TMEM134: variants seen among roughly 807,000 people sequenced by gnomAD.
The protein encoded by TMEM134 is transmembrane protein 134.
TMEM134 carries 36 observed loss-of-function variants against 26.2 expected under a neutral mutation model. The ratio of observed to expected loss-of-function variants is 1.37; its 90% CI spans 1.05 to 1.81. TMEM134 has a LOEUF of 1.81. Ranked by LOEUF, TMEM134 falls within the 40% of genes most tolerant of loss-of-function variation. The pLI is 0.00. For synonymous variants in TMEM134, 133 were observed against 113.6 expected (o/e 1.17, Z -1.08); for missense variants, 339 against 263.5 (o/e 1.29, Z -1.98).
At chr11:67,464,899 G>T in intron 5 of TMEM134, 43 bp from the exon 6 acceptor site, 1 of 1,603,918 alleles carries the variant, frequency 6.2e-7, no homozygotes, top group Non-Finnish European at 8.5e-7. Context: ...GGGGGCGGAG[G>T]CTTCGAGGCC....
At chr11:67,468,968 TG>T (rs1209541960) in intron 1 of TMEM134, 50 bp downstream of exon 1, 7 of 1,414,510 alleles carry the variant, frequency 4.9e-6, no homozygotes, top group Middle Eastern at 2.3e-4. Flanking sequence ...GGGCCCGGCC[TG>T]GGGTCCCGTC....
intron 3 of TMEM134, 54 bp from the exon 4 acceptor site, chr11:67,467,442 G>A (rs757320283): frequency 6.2e-7 from 1 of 1,612,926 alleles, no homozygotes; most frequent in Admixed American, 1.7e-5. Flanking sequence ...AGGGGGTGCA[G>A]GAGGCTGTGG....
In TMEM134 at chr11:67,463,172, C is replaced by T. The variant is rs1016404665; in HGVS notation, c.*1442G>A. On this transcript the variant is annotated 3_prime_UTR_variant, in exon 7 of 7. Coordinates refer to ENST00000308022, the MANE Select transcript of TMEM134 (RefSeq NM_025124.4). Reference sequence around the variant, plus strand: ...GGGCCTGGAAAGGTGGGAGCGAGAGCAAGAGTCTGGGTGTCCATTCCTCTA... The same window carrying T: ...GGGCCTGGAAAGGTGGGAGCGAGAGTAAGAGTCTGGGTGTCCATTCCTCTA... The T allele has an allele frequency of 2.6e-5, 4 of 152,242 alleles. No individual in the cohort carries two copies. The South Asian group carries it at 8.3e-4, about 32-fold the overall frequency. 9.4% of individuals were successfully genotyped at this position (152,242 alleles called of 1,614,324 possible). A position where few individuals can be genotyped will look rare whatever the true frequency, so the allele number is the denominator to read the frequency against.
rs371746653 is a variant in TMEM134 at position 67,464,760 on chromosome 11, G to A, written c.505+43C>T. On this transcript the variant is annotated intron_variant, in intron 6 of 6. Transcript: ENST00000308022. ...TCCCCGCAACACCGCCCCCAGTGCC[G>A]CCCCACAGCCCCCGCCCCTTCCGCC... 83 of 1,349,174 alleles carry A rather than the reference G, an allele frequency of 6.2e-5. No homozygotes were observed. The Middle Eastern group carries it at 1.1e-3, about 18-fold the overall frequency. The allele number at this position is 1,349,174 out of a possible 1,614,324, so 83.6% of individuals were successfully genotyped here. A position where few individuals can be genotyped will look rare whatever the true frequency, so the allele number is the denominator to read the frequency against.
rs888624936 is a variant in TMEM134, at chr11:67,462,183, A to AC, written c.*2430_*2431insG. 6.6e-6 allele frequency: 1 copy of AC among 151,762 alleles called. No homozygotes were observed. The highest frequency in any genetic ancestry group is 2.4e-5 in the African/African-American group (1 of 41,252). 9.4% of individuals were successfully genotyped at this position (151,762 alleles called of 1,614,324 possible). On this transcript the variant is annotated 3_prime_UTR_variant, in exon 7 of 7. Transcript: ENST00000308022. Reference sequence around the variant, plus strand: ...ACTCGTCTCAAAAAAAAAACAAAAAAAAAAAAAACAAGGAGTAAAAAGTTG... The same window carrying AC: ...ACTCGTCTCAAAAAAAAAACAAAAAACAAAAAAAACAAGGAGTAAAAAGTTG...
Position 67,464,873 on chromosome 11 carries a change from A to C in TMEM134, c.452-17T>G, listed in dbSNP as rs1245428219. 4 of 1,609,642 alleles carry C rather than the reference A, an allele frequency of 2.5e-6. No homozygotes were observed. The African/African-American group carries it at 5.3e-5, about 22-fold the overall frequency. ...TGGAGACACCTGCGGGAGGGACCAG[A>C]GCCCGGTCAGGGCGAGGGGGCGGAG... is the stretch of plus-strand genomic sequence containing the variant. On this transcript the variant is annotated splice_polypyrimidine_tract_variant and intron_variant, in intron 5 of 6. Transcript: ENST00000308022.
At chr11:67,465,191 C>G (rs1865177118) in intron 4 of TMEM134, 91 bp from the exon 5 acceptor site, 4 of 1,534,658 alleles carry the variant, frequency 2.6e-6, no homozygotes, top group Non-Finnish European at 2.6e-6. Flanking sequence ...ACCACCTGAG[C>G]TGAAGGTGCC....
chr11:67,469,006 C>T lies in TMEM134; in HGVS notation c.174+13G>A. On this transcript the variant is annotated intron_variant, in intron 1 of 6. Coordinates refer to ENST00000308022, the MANE Select transcript of TMEM134 (RefSeq NM_025124.4). ...GGCCGGGGGCAGGGGGTTAGGTGGGCCGGGCGGTTCACCTGGTAGCGCAGC... is the reference window on the plus strand; with the variant it reads ...GGCCGGGGGCAGGGGGTTAGGTGGGTCGGGCGGTTCACCTGGTAGCGCAGC... 7 of 1,484,944 alleles carry T rather than the reference C, an allele frequency of 4.7e-6. No individual in the cohort carries two copies. The highest frequency in any genetic ancestry group is 6.3e-6 in the Non-Finnish European group (7 of 1,118,308). The allele number at this position is 1,484,944 out of a possible 1,614,324, so 92.0% of individuals were successfully genotyped here.
intron 4 of TMEM134, chr11:67,467,089 A>T (rs1865302421): frequency 1.7e-6 from 1 of 596,566 alleles, no homozygotes; most frequent in African/African-American, 1.9e-5. Context: ...CTTTGCAGTG[A>T]TAAGCCAGGT....
chr11:67,464,527 G>T lies in TMEM134; in HGVS notation c.*87C>A. On this transcript the variant is annotated 3_prime_UTR_variant, in exon 7 of 7. Coordinates refer to ENST00000308022, the MANE Select transcript of TMEM134 (RefSeq NM_025124.4). ...TAGGGGCTGGGGTTTCGAGGGTCCT[G>T]GAGGGCCTCTTCCCTTGAGATGAGG... 1 of 1,389,488 alleles carries T rather than the reference G, an allele frequency of 7.2e-7. No individual in the cohort carries two copies. Among genetic ancestry groups the T allele is most frequent in the Non-Finnish European group, 1.0e-6 (1 of 1,000,430 alleles). The allele number at this position is 1,389,488 out of a possible 1,614,324, so 86.1% of individuals were successfully genotyped here.
chr11:67,464,419 G>T lies in TMEM134; in HGVS notation c.*195C>A. 1 of 621,828 alleles carries T rather than the reference G, an allele frequency of 1.6e-6. No individual in the cohort carries two copies. The highest frequency in any genetic ancestry group is 2.9e-6 in the Non-Finnish European group (1 of 347,082). The allele number at this position is 621,828 out of a possible 1,614,324, so 38.5% of individuals were successfully genotyped here. A position where few individuals can be genotyped will look rare whatever the true frequency, so the allele number is the denominator to read the frequency against. On this transcript the variant is annotated 3_prime_UTR_variant, in exon 7 of 7. Coordinates refer to ENST00000308022, the MANE Select transcript of TMEM134 (RefSeq NM_025124.4). ...GCAACCTAGCAGCCGCACGGCCCGAGAATAAGTTAAGGCACAGAGCAGGCG... is the reference window on the plus strand; with the variant it reads ...GCAACCTAGCAGCCGCACGGCCCGATAATAAGTTAAGGCACAGAGCAGGCG...
chr11:67,462,380 GTC>G lies in TMEM134; in HGVS notation c.*2232_*2233del, dbSNP rs1865043828. The G allele has an allele frequency of 6.7e-6, 1 of 148,390 alleles. No homozygotes were observed. Among genetic ancestry groups the G allele is most frequent in the Non-Finnish European group, 1.5e-5 (1 of 67,246 alleles). The allele number at this position is 148,390 out of a possible 1,614,324, so 9.2% of individuals were successfully genotyped here. A position where few individuals can be genotyped will look rare whatever the true frequency, so the allele number is the denominator to read the frequency against. ...TATTTTTTTTTTTTTTGGAGACAGA[GTC>G]TCGCTCTGTCGCTCAGGCTGGAGTG... On this transcript the variant is annotated 3_prime_UTR_variant, in exon 7 of 7. Transcript: ENST00000308022.
rs1321600105 is a variant in TMEM134 at position 67,464,686 on chromosome 11, C to A, written c.516G>T (p.Val172=). 1 of 1,553,508 alleles carries A rather than the reference C, an allele frequency of 6.4e-7. No homozygotes were observed. Among genetic ancestry groups the A allele is most frequent in the Admixed American group, 2.0e-5 (1 of 51,242 alleles). Residue 172 remains valine (V), a synonymous_variant, in exon 7 of 7, where the codon GTG becomes GTT. Coordinates refer to ENST00000308022, the MANE Select transcript of TMEM134 (RefSeq NM_025124.4). The part of the protein sequence containing the change: ...FLLLVPGVYH[V]IFIYCAVKGH... ...CCTTGACCGCGCAGTAGATGAAGAT[C>A]ACGTGATAGACTGCGGGGCGGGGCC... is the stretch of plus-strand genomic sequence containing the variant.
In TMEM134 at chr11:67,464,791, G is replaced by A. The variant is rs1301687704; in HGVS notation, c.505+12C>T. On this transcript the variant is annotated intron_variant, in intron 6 of 6. Transcript: ENST00000308022. The stretch of plus-strand genomic sequence containing the variant: ...CAGCCCCCGCCCCTTCCGCCCCGGT[G>A]CCCGCTCGCACCTCCAGGCACCAAC... 1 of 1,596,940 alleles carries A rather than the reference G, an allele frequency of 6.3e-7. No homozygotes were observed. The highest frequency in any genetic ancestry group is 1.7e-5 in the Admixed American group (1 of 57,786).
At position 67,469,051 on chromosome 11, in the gene TMEM134, C is replaced by A; in HGVS notation, c.142G>T (p.Asp48Tyr). 6.6e-7 allele frequency: 1 copy of A among 1,515,826 alleles called. No homozygotes were observed. Among genetic ancestry groups the A allele is most frequent in the Non-Finnish European group, 8.8e-7 (1 of 1,133,332 alleles). 93.9% of individuals were successfully genotyped at this position (1,515,826 alleles called of 1,614,324 possible). The part of the protein sequence containing the change: ...FERRARFEVA[D>Y]EDKQSRLRYQ... Reference sequence around the variant, plus strand: ...CGCAGCCGGGACTGCTTGTCCTCGTCAGCCACCTCGAACCGGGCCCGACGC... The same window carrying A: ...CGCAGCCGGGACTGCTTGTCCTCGTAAGCCACCTCGAACCGGGCCCGACGC... Residue 48 changes from aspartate to tyrosine, a missense_variant, in exon 1 of 7, where the codon GAC (aspartate) becomes TAC (tyrosine). By Grantham distance (160) the Asp-to-Tyr change is radical. Coordinates refer to ENST00000308022, the MANE Select transcript of TMEM134 (RefSeq NM_025124.4).
At position 67,467,306 on chromosome 11, in the gene TMEM134, A is replaced by C; in HGVS notation, c.406+6T>G. 1 of 1,613,414 alleles carries C rather than the reference A, an allele frequency of 6.2e-7. No individual in the cohort carries two copies. Among genetic ancestry groups the C allele is most frequent in the South Asian group, 1.1e-5 (1 of 91,050 alleles). ...CCTCTTGACCCCAACCCTCAGGGCCACTCACCCAGCCCCAGCAGCAGGAGC... is the reference window on the plus strand; with the variant it reads ...CCTCTTGACCCCAACCCTCAGGGCCCCTCACCCAGCCCCAGCAGCAGGAGC... On this transcript the variant is annotated splice_donor_region_variant and intron_variant, in intron 4 of 6. Transcript: ENST00000308022.
Position 67,464,152 on chromosome 11 carries a change from C to T in TMEM134, c.*462G>A. 1 of 189,868 alleles carries T rather than the reference C, an allele frequency of 5.3e-6. No homozygotes were observed. Among genetic ancestry groups the T allele is most frequent in the Non-Finnish European group, 1.1e-5 (1 of 89,496 alleles). 11.8% of individuals were successfully genotyped at this position (189,868 alleles called of 1,614,324 possible). A position where few individuals can be genotyped will look rare whatever the true frequency, so the allele number is the denominator to read the frequency against. ...GTGGGGCAGGCTGTTCCGGCCGGCTCCTGGCTGGCAAGGCAGGAGTCCTAC... is the reference window on the plus strand; with the variant it reads ...GTGGGGCAGGCTGTTCCGGCCGGCTTCTGGCTGGCAAGGCAGGAGTCCTAC... On this transcript the variant is annotated 3_prime_UTR_variant, in exon 7 of 7. Coordinates refer to ENST00000308022, the MANE Select transcript of TMEM134 (RefSeq NM_025124.4).
At position 67,468,833 on chromosome 11, in the gene TMEM134, C is replaced by G. The variant is rs1865459211; in HGVS notation, c.174+186G>C. ...GGGCTCTTCCCGGCTGGCTGGGGCC[C>G]GGTATGGGAACCGGGAGGGCCTGGG... On this transcript the variant is annotated intron_variant, in intron 1 of 6. Transcript: ENST00000308022. 2.0e-5 allele frequency among the ~76,000 whole-genome samples: 3 copies of G among 152,140 alleles called. No individual in the cohort carries two copies. The South Asian group carries it at 6.2e-4, about 31-fold the overall frequency.
At position 67,467,302 on chromosome 11, in the gene TMEM134, G is replaced by T. The variant is rs772739153; in HGVS notation, c.406+10C>A. The T allele has an allele frequency of 1.2e-6, 2 of 1,613,376 alleles. No homozygotes were observed. The highest frequency in any genetic ancestry group is 1.7e-6 in the Non-Finnish European group (2 of 1,179,822). On this transcript the variant is annotated intron_variant, in intron 4 of 6. Transcript: ENST00000308022. ...GGCCCCTCTTGACCCCAACCCTCAG[G>T]GCCACTCACCCAGCCCCAGCAGCAG...
Sources: allele counts gnomAD v4.1 joint callset (sites outside exome capture counted in the v4.1 genomes callset), GRCh38; gene constraint gnomAD v4.1.1; transcripts MANE v1.5; gene names NCBI Gene and HGNC (gene_info 2026-07-23, HGNC 2026-07-21).